SLC25A37: variants seen among roughly 807,000 people sequenced by gnomAD.
The protein encoded by SLC25A37 is mitoferrin-1.
A neutral mutation model predicts 31.0 loss-of-function variants in SLC25A37; 17 were observed. That is an observed-to-expected ratio of 0.55 (90% CI 0.38 to 0.82). The LOEUF is 0.82. SLC25A37 is among the 40% of genes least tolerant of loss of function. The probability of loss-of-function intolerance (pLI) is 0.00; values close to 1 mark genes in which losing one functional copy is unlikely to be tolerated. For missense variants in SLC25A37, 404 were observed against 465.8 expected (o/e 0.87, Z 1.22); for synonymous variants, 222 against 193.0 (o/e 1.15, Z -1.24).
chr8:23,544,082 A>G lies in SLC25A37; in HGVS notation c.210+14870A>G, dbSNP rs548878738. 1.7e-4 allele frequency among the ~76,000 whole-genome samples: 26 copies of G among 151,254 alleles called. 1 individual carries two copies. In the Middle Eastern group the frequency reaches 0.01, roughly 60 times the overall value. On this transcript the variant is annotated intron_variant, in intron 1 of 3. Transcript: ENST00000519973. ...ACCATGTTGGCCAGGCTGGTCTCGA[A>G]CTCCCAACCTCAAGTGATCCACCTG...
At chr8:23,568,424 G>T in intron 3 of SLC25A37, 46 bp downstream of exon 3, 2 of 1,610,848 alleles carry the variant, frequency 1.2e-6, no homozygotes, top group Non-Finnish European at 1.7e-6. Flanking sequence ...GATGTGCAAA[G>T]GGGCACAAAA....
chr8:23,558,032 A>G (rs1585194895), intron 1 of SLC25A37, among the ~76,000 whole-genome samples: 1 of 152,300 alleles, frequency 6.6e-6, no homozygotes, highest in East Asian at 1.9e-4. Context: ...TCCTGTTTGT[A>G]TCCCCATTGC....
Position 23,547,419 on chromosome 8 carries a change from AC to A in SLC25A37, c.210+18209del, listed in dbSNP as rs1802097864. Among the ~76,000 whole-genome samples the A allele has an allele frequency of 4.6e-5, 7 of 152,232 alleles. No homozygotes were observed. In the South Asian group the frequency reaches 1.4e-3, roughly 31 times the overall value. On this transcript the variant is annotated intron_variant, in intron 1 of 3. Transcript: ENST00000519973. ...ATTAGCTTGAGATGACCAGGGGCCC[AC>A]CAATCAAGCAACTCTGGGAAAAACA...
In SLC25A37 at chr8:23,553,567, C is replaced by G. The variant is rs2117425704; in HGVS notation, c.211-12541C>G. ...GGGAGGCCCTGGGTAGTCTAGCTTA[C>G]TAGCAGTGAATTCAGTTCTCTCTTG... On this transcript the variant is annotated intron_variant, in intron 1 of 3. Transcript: ENST00000519973. Among the ~76,000 whole-genome samples the G allele has an allele frequency of 2.6e-5, 4 of 152,320 alleles. No individual in the cohort carries two copies. In the South Asian group the frequency reaches 8.3e-4, roughly 32 times the overall value.
intron 1 of SLC25A37, among the ~76,000 whole-genome samples, chr8:23,555,400 G>T (rs1211024196): frequency 6.6e-6 from 1 of 152,096 alleles, no homozygotes; most frequent in African/African-American, 2.4e-5. Flanking sequence ...ATGTGATCTG[G>T]ACTCTGGATC....
chr8:23,538,408 C>CAAAAA (rs1801819111), intron 1 of SLC25A37, among the ~76,000 whole-genome samples: 16 of 46,134 alleles, frequency 3.5e-4, no homozygotes, highest in African/African-American at 7.6e-4. Context: ...AAAAAAAAAC[C>CAAAAA]AGAAAAAAAA....
rs1802172490 is a variant in SLC25A37, at chr8:23,549,753, A to G, written c.211-16355A>G. ...TTGTGGGAAATCTGGCTTTGGTAGG[A>G]TCTGGGAAATTTGGACCCCTCATTT... On this transcript the variant is annotated intron_variant, in intron 1 of 3. Transcript: ENST00000519973. Among the ~76,000 whole-genome samples, 2 of 101,294 alleles carry G rather than the reference A, an allele frequency of 2.0e-5. 1 individual carries two copies. The highest frequency in any genetic ancestry group is 1.5e-4 in the African/African-American group (2 of 13,014). The allele number at this position is 101,294 out of a possible 152,430, so 66.5% of individuals were successfully genotyped here. A position where few individuals can be genotyped will look rare whatever the true frequency, so the allele number is the denominator to read the frequency against.
At chr8:23,537,831 C>T (rs1305038372) in intron 1 of SLC25A37, among the ~76,000 whole-genome samples, 3 of 152,142 alleles carry the variant, frequency 2.0e-5, no homozygotes, top group Admixed American at 6.5e-5. Context: ...TGCAGAAAGA[C>T]AGGGAGTAGC....
Position 23,571,656 on chromosome 8 carries a change from C to T in SLC25A37, c.818C>T (p.Ala273Val). ...NTQENVALSL[A>V]NISGRLSGMA... ...CAGGAGAACGTGGCCCTCTCGCTGG[C>T]CAACATCAGCGGCCGGCTGTCGGGT... Residue 273 changes from alanine (A) to valine (V), a missense_variant, in exon 4 of 4, where the codon GCC becomes GTC. This residue lies in a region of SLC25A37 where 243 missense variants were observed against 284.4 expected (regional missense o/e 0.85). Coordinates refer to ENST00000519973, the MANE Select transcript of SLC25A37 (RefSeq NM_016612.4). The T allele has an allele frequency of 6.2e-7, 1 of 1,613,950 alleles. No homozygotes were observed. Among genetic ancestry groups the T allele is most frequent in the Non-Finnish European group, 8.5e-7 (1 of 1,179,880 alleles).
At position 23,529,896 on chromosome 8, in the gene SLC25A37, G is replaced by C. The variant is rs1801630649; in HGVS notation, c.210+684G>C. Among the ~76,000 whole-genome samples the C allele has an allele frequency of 6.6e-6, 1 of 152,136 alleles. No homozygotes were observed. Among genetic ancestry groups the C allele is most frequent in the Non-Finnish European group, 1.5e-5 (1 of 68,026 alleles). On this transcript the variant is annotated intron_variant, in intron 1 of 3. Transcript: ENST00000519973. The surrounding 1 kb of genome is among the most constrained non-coding windows in gnomAD (Gnocchi z 4.1). ...ACGTTTGCCTTCTCCTTTTGCTTGC[G>C]GGGAGGTGGGTGGGCTTGTGCCTTA...
At chr8:23,562,575 C>T (rs1802544664) in intron 1 of SLC25A37, among the ~76,000 whole-genome samples, 2 of 152,184 alleles carry the variant, frequency 1.3e-5, no homozygotes, top group Admixed American at 1.3e-4. Flanking sequence ...CACAACCCCA[C>T]CTCTGTGGCC....
intron 1 of SLC25A37, among the ~76,000 whole-genome samples, chr8:23,536,337 A>G (rs2117386711): frequency 6.6e-6 from 1 of 152,056 alleles, no homozygotes; most frequent in African/African-American, 2.4e-5. Context: ...ACTGGTCTCT[A>G]CTTCCTCACT....
rs1459124228 is a variant in SLC25A37 at position 23,573,236 on chromosome 8, G to C, written c.*1381G>C. On this transcript the variant is annotated 3_prime_UTR_variant, in exon 4 of 4. Coordinates refer to ENST00000519973, the MANE Select transcript of SLC25A37 (RefSeq NM_016612.4). ...TCTCCAGAAGCCATTCTGCATCCTT[G>C]TCTGCTCTGCGTCACCCGAGAACAC... The C allele has an allele frequency of 6.5e-6, 1 of 152,772 alleles. No homozygotes were observed. The highest frequency in any genetic ancestry group is 1.5e-5 in the Non-Finnish European group (1 of 68,442). The allele number at this position is 152,772 out of a possible 1,614,324, so 9.5% of individuals were successfully genotyped here. A position where few individuals can be genotyped will look rare whatever the true frequency, so the allele number is the denominator to read the frequency against.
At chr8:23,538,107 G>T (rs773648363) in intron 1 of SLC25A37, among the ~76,000 whole-genome samples, 1 of 151,852 alleles carries the variant, frequency 6.6e-6, no homozygotes, top group African/African-American at 2.4e-5. Context: ...TTGGCTGGGC[G>T]TGGTGGCTCA....
chr8:23,533,350 G>A (rs2117380965), intron 1 of SLC25A37, among the ~76,000 whole-genome samples: 1 of 152,296 alleles, frequency 6.6e-6, no homozygotes, highest in East Asian at 1.9e-4. Flanking sequence ...TTGAATGGGA[G>A]GATTTAATCA....
intron 1 of SLC25A37, among the ~76,000 whole-genome samples, chr8:23,555,612 C>A (rs73555565): frequency 0.011 from 1,627 of 152,324 alleles, 34 homozygotes; most frequent in African/African-American, 0.035. Flanking sequence ...CCAGTAGACC[C>A]TGAAGGTTTC....
intron 1 of SLC25A37, 66 bp from the exon 2 acceptor site, chr8:23,566,041 TA>T (rs1401320020): frequency 2.7e-6 from 4 of 1,501,250 alleles, no homozygotes; most frequent in Non-Finnish European, 3.5e-6. Flanking sequence ...CTCCAGGTCT[TA>T]TTTTCCTTCT....
rs149565724 is a variant in SLC25A37 at position 23,571,961 on chromosome 8, T to A, written c.*106T>A. 3.2e-6 allele frequency: 4 copies of A among 1,261,302 alleles called. No individual in the cohort carries two copies. Among genetic ancestry groups the A allele is most frequent in the Non-Finnish European group, 4.4e-6 (4 of 910,862 alleles). 78.1% of individuals were successfully genotyped at this position (1,261,302 alleles called of 1,614,324 possible). On this transcript the variant is annotated 3_prime_UTR_variant, in exon 4 of 4. Coordinates refer to ENST00000519973, the MANE Select transcript of SLC25A37 (RefSeq NM_016612.4). ...TTTTTTTTTTGCAGGGTGCTGCCTA[T>A]GGGCCCTCTGCTCCCCAATGCCTTA...
At chr8:23,531,723 A>T (rs572397259) in intron 1 of SLC25A37, 15 of 152,276 alleles carry the variant, frequency 9.9e-5, no homozygotes, top group African/African-American at 3.4e-4. Context: ...GTCACTTTCA[A>T]CCCTGAACCT....
Sources: gnomAD v4.1 joint callset for allele counts (sites outside exome capture counted in the v4.1 genomes callset) on GRCh38, gnomAD v4.1.1 for gene constraint, gnomAD v4.1.1 regional missense constraint, Gnocchi (gnomAD v3.1) non-coding constraint, MANE v1.5 for transcripts, NCBI Gene and HGNC (gene_info 2026-07-23, HGNC 2026-07-21) for gene names.